TMEM132C: variants seen among roughly 807,000 people sequenced by gnomAD.
The protein encoded by TMEM132C is transmembrane protein 132C.
TMEM132C carries 29 observed loss-of-function variants against 61.4 expected under a neutral mutation model. That is an observed-to-expected ratio of 0.47 (90% CI 0.35 to 0.64). The LOEUF (loss-of-function observed/expected upper bound fraction) is 0.64, where lower values mean the gene tolerates loss of function less well. Ranked by LOEUF, TMEM132C falls within the 30% of genes least tolerant of loss-of-function variation. The pLI, the probability that TMEM132C is intolerant of heterozygous loss-of-function variation, is 0.00. For missense variants in TMEM132C, 1,408 were observed against 1,476.9 expected (o/e 0.95, Z 0.76); for synonymous variants, 656 against 633.1 (o/e 1.04, Z -0.54).
intron 5 of TMEM132C, among the ~76,000 whole-genome samples, chr12:128,680,076 C>T (rs760670013): frequency 5.9e-5 from 9 of 152,236 alleles, no homozygotes; most frequent in Middle Eastern, 3.4e-3. Flanking sequence ...AGTAAGAAGA[C>T]GAAGAGAAAA....
In TMEM132C at chr12:128,604,426, TAGATAGATAGATAGA is replaced by T. The variant is rs1320440055; in HGVS notation, c.1122-11725_1122-11711del. 3.2e-3 allele frequency among the ~76,000 whole-genome samples: 482 copies of T among 150,642 alleles called. 5 individuals carry two copies. The highest frequency in any genetic ancestry group is 0.011 in the African/African-American group (462 of 40,852). ...GATGGAAGATAGATAGATAGATAGA[TAGATAGATAGATAGA>T]TAGATAGATAATAGATGGATAGATA... On this transcript the variant is annotated intron_variant, in intron 3 of 8. Transcript: ENST00000435159.
intron 1 of TMEM132C, among the ~76,000 whole-genome samples, chr12:128,303,716 GCTCTTACC>G: frequency 6.6e-6 from 1 of 152,128 alleles, no homozygotes; most frequent in African/African-American, 2.4e-5. Context: ...ACATTTTTCA[GCTCTTACC>G]ATCAAAAGGT....
chr12:128,318,827 A>C (rs1193365), intron 1 of TMEM132C, among the ~76,000 whole-genome samples: 29 of 152,252 alleles, frequency 1.9e-4, no homozygotes, highest in Middle Eastern at 3.4e-3. Context: ...CTTTCATGAC[A>C]GTTAGGAAAG....
At chr12:128,636,349 G>C (rs1565998312) in intron 4 of TMEM132C, among the ~76,000 whole-genome samples, 1 of 152,122 alleles carries the variant, frequency 6.6e-6, no homozygotes, top group Non-Finnish European at 1.5e-5. Flanking sequence ...GCCACACCCG[G>C]TGTCATCCAC....
intron 2 of TMEM132C, among the ~76,000 whole-genome samples, chr12:128,508,489 TG>T (rs1872457001): frequency 6.6e-6 from 1 of 151,696 alleles, no homozygotes; most frequent in Admixed American, 6.6e-5. Context: ...GGAGGCGGAG[TG>T]GGGACATGGG....
intron 1 of TMEM132C, among the ~76,000 whole-genome samples, chr12:128,297,879 G>A (rs957286436): frequency 8.5e-5 from 13 of 152,232 alleles, no homozygotes; most frequent in Non-Finnish European, 1.6e-4. Flanking sequence ...AATTAAAATA[G>A]TACTTAGCCA....
intron 5 of TMEM132C, among the ~76,000 whole-genome samples, chr12:128,689,174 T>C (rs1414227058): frequency 2.6e-5 from 4 of 152,100 alleles, no homozygotes; most frequent in Non-Finnish European, 4.4e-5. Context: ...CAGATTATAA[T>C]TGTATATATT....
intron 1 of TMEM132C, among the ~76,000 whole-genome samples, chr12:128,342,166 G>A (rs1180154275): frequency 2.6e-5 from 4 of 151,988 alleles, no homozygotes; most frequent in South Asian, 2.1e-4. Flanking sequence ...ACAACACCAC[G>A]CCCGGCTAAT....
At chr12:128,468,224 C>T (rs2136077196) in intron 2 of TMEM132C, among the ~76,000 whole-genome samples, 1 of 152,218 alleles carries the variant, frequency 6.6e-6, no homozygotes, top group Admixed American at 6.5e-5. Context: ...AGAAGCGTAG[C>T]CTGAAGTCCT....
chr12:128,664,286 G>A (rs77361608), intron 4 of TMEM132C, among the ~76,000 whole-genome samples: 3,884 of 139,148 alleles, frequency 0.028, 117 homozygotes, highest in African/African-American at 0.083. Flanking sequence ...TAAAAATATA[G>A]TTCACCTAGA....
chr12:128,493,172 T>C (rs1420645651), intron 2 of TMEM132C, among the ~76,000 whole-genome samples: 10 of 152,212 alleles, frequency 6.6e-5, no homozygotes, highest in Non-Finnish European at 1.2e-4. Flanking sequence ...ATGTGTAGTA[T>C]TATTTCTGAG....
intron 2 of TMEM132C, among the ~76,000 whole-genome samples, chr12:128,463,453 G>C (rs1265992795): frequency 6.6e-6 from 1 of 152,044 alleles, no homozygotes; most frequent in African/African-American, 2.4e-5. Context: ...CGAGTAGCTG[G>C]GATTACAGGC....
chr12:128,307,699 C>T (rs965329100), intron 1 of TMEM132C, among the ~76,000 whole-genome samples: 5 of 152,134 alleles, frequency 3.3e-5, no homozygotes, highest in African/African-American at 7.2e-5. Flanking sequence ...TTTTTACTTT[C>T]TTTTTGTAAT....
Position 128,281,377 on chromosome 12 carries a change from G to A in TMEM132C, c.85+13890G>A, listed in dbSNP as rs573504738. 7.9e-5 allele frequency among the ~76,000 whole-genome samples: 12 copies of A among 152,282 alleles called. No individual in the cohort carries two copies. The South Asian group carries it at 2.5e-3, about 32-fold the overall frequency. ...GTTTGGGAGGCAAGATCAAGGCTTG[G>A]TGGTTATACTGGCCTGAATCAAATC... is the stretch of plus-strand genomic sequence containing the variant. On this transcript the variant is annotated intron_variant, in intron 1 of 8. Coordinates refer to ENST00000435159, the MANE Select transcript of TMEM132C (RefSeq NM_001136103.3).
intron 4 of TMEM132C, among the ~76,000 whole-genome samples, chr12:128,629,731 G>C (rs2135593258): frequency 6.6e-6 from 1 of 152,276 alleles, no homozygotes; most frequent in Non-Finnish European, 1.5e-5. Context: ...ACTTTGGGAG[G>C]CCAAGGCGGG....
chr12:128,544,086 G>A lies in TMEM132C; in HGVS notation c.1104G>A (p.Gly368=), dbSNP rs1258345408. The A allele has an allele frequency of 1.3e-6, 2 of 1,539,692 alleles. No homozygotes were observed. Among genetic ancestry groups the A allele is most frequent in the East Asian group, 2.5e-5 (1 of 40,202 alleles). The part of the protein sequence containing the change: ...VTATVACQRL[G]PSPRNRSSSL... ...CCACCGTGGCCTGCCAGCGCCTGGG[G>A]CCCAGCCCACGCAACAGGTAAGCGG... The change falls in exon 3 of 9, where the codon GGG becomes GGA. Residue 368 remains glycine (G), a synonymous_variant. Transcript: ENST00000435159.
intron 5 of TMEM132C, among the ~76,000 whole-genome samples, chr12:128,693,050 G>T (rs558311548): frequency 1.3e-5 from 2 of 152,134 alleles, no homozygotes; most frequent in Non-Finnish European, 2.9e-5. Flanking sequence ...ACCACAGAAG[G>T]GGTCTCATAA....
intron 1 of TMEM132C, among the ~76,000 whole-genome samples, chr12:128,270,715 G>T (rs11059613): frequency 6.6e-6 from 1 of 151,912 alleles, no homozygotes; most frequent in African/African-American, 2.4e-5. Context: ...AGACACATAG[G>T]TTTTCTTTTC....
intron 3 of TMEM132C, among the ~76,000 whole-genome samples, chr12:128,599,194 G>A (rs374879071): frequency 3.0e-4 from 45 of 152,272 alleles, no homozygotes; most frequent in African/African-American, 7.7e-4. Flanking sequence ...CACCCCCAGC[G>A]TTTGTCCCTT....
Sources: allele counts gnomAD v4.1 joint callset (sites outside exome capture counted in the v4.1 genomes callset), GRCh38; gene constraint gnomAD v4.1.1; transcripts MANE v1.5; gene names NCBI Gene and HGNC (gene_info 2026-07-23, HGNC 2026-07-21).